ELP4: variants seen among roughly 807,000 people sequenced by gnomAD.
The protein encoded by ELP4 is elongator acetyltransferase complex subunit 4.
In ELP4, 51 loss-of-function variants were observed where a neutral mutation model predicts 48.9. That is an observed-to-expected ratio of 1.04 (90% CI 0.83 to 1.32). ELP4 has a LOEUF of 1.32. ELP4 is among the 40% of genes most tolerant of loss of function. The pLI is 0.00. For synonymous variants in ELP4, 210 were observed against 189.2 expected (o/e 1.11, Z -0.90); for missense variants, 519 against 514.6 (o/e 1.01, Z -0.08).
intron 9 of ELP4, among the ~76,000 whole-genome samples, chr11:31,677,588 A>G (rs1202876186): frequency 3.9e-5 from 6 of 152,034 alleles, no homozygotes; most frequent in East Asian, 1.9e-4. Context: ...TTTCATGGTT[A>G]TAGTAGTTGA....
At chr11:31,746,145 C>G (rs1244351319) in intron 9 of ELP4, among the ~76,000 whole-genome samples, 6 of 152,208 alleles carry the variant, frequency 3.9e-5, no homozygotes, top group Non-Finnish European at 8.8e-5. Flanking sequence ...AAATGCTCAT[C>G]ATCACTGGCC....
intron 9 of ELP4, among the ~76,000 whole-genome samples, chr11:31,768,401 C>A (rs540843363): frequency 7.2e-5 from 11 of 152,272 alleles, no homozygotes; most frequent in Non-Finnish European, 1.3e-4. Context: ...TGATACTTTT[C>A]ATTCATTATG....
chr11:31,746,575 C>T (rs1947597105), intron 9 of ELP4, among the ~76,000 whole-genome samples: 1 of 152,124 alleles, frequency 6.6e-6, no homozygotes, highest in Non-Finnish European at 1.5e-5. Flanking sequence ...ATGATGAGTT[C>T]ATGTCCTTTG....
At chr11:31,639,449 T>G (rs951732898) in intron 7 of ELP4, among the ~76,000 whole-genome samples, 3 of 151,926 alleles carry the variant, frequency 2.0e-5, no homozygotes, top group African/African-American at 7.2e-5. Context: ...CTTATAATTC[T>G]TACAGCTCAA....
At chr11:31,718,714 A>C (rs1946892684) in intron 9 of ELP4, among the ~76,000 whole-genome samples, 1 of 152,184 alleles carries the variant, frequency 6.6e-6, no homozygotes, top group Non-Finnish European at 1.5e-5. Flanking sequence ...CACTTCTTAC[A>C]TGATGGTCAA....
chr11:31,739,442 T>G (rs1203366029), intron 9 of ELP4, among the ~76,000 whole-genome samples: 1 of 152,178 alleles, frequency 6.6e-6, no homozygotes, highest in African/African-American at 2.4e-5. Flanking sequence ...TTTCCCATGG[T>G]AGACACGCTA....
chr11:31,698,431 G>C (rs1472626662), intron 9 of ELP4, among the ~76,000 whole-genome samples: 1 of 151,012 alleles, frequency 6.6e-6, no homozygotes, highest in African/African-American at 2.4e-5. Context: ...ATTTTTTTTT[G>C]AGACAGGGTT....
chr11:31,694,060 T>C (rs541838457), intron 9 of ELP4, among the ~76,000 whole-genome samples: 36 of 152,216 alleles, frequency 2.4e-4, no homozygotes, highest in Admixed American at 1.3e-3. Flanking sequence ...TTCTGGATAC[T>C]AGCCCTTTGT....
chr11:31,681,958 C>T lies in ELP4; in HGVS notation c.1143+31737C>T, dbSNP rs190692383. 20 of 677,994 alleles carry T rather than the reference C, an allele frequency of 2.9e-5. No homozygotes were observed. In the East Asian group the frequency reaches 1.3e-3, roughly 46 times the overall value. 42.0% of individuals were successfully genotyped at this position (677,994 alleles called of 1,614,324 possible). A position where few individuals can be genotyped will look rare whatever the true frequency, so the allele number is the denominator to read the frequency against. On this transcript the variant is annotated intron_variant, in intron 9 of 9. Transcript: ENST00000640961. ...GTTCCACCATGTTGGCCAGGCTGGT[C>T]TCGAACTCCTGACCTCAGGTGATTC... is the stretch of plus-strand genomic sequence containing the variant.
At chr11:31,726,339 G>A (rs1947075308) in intron 9 of ELP4, among the ~76,000 whole-genome samples, 1 of 152,068 alleles carries the variant, frequency 6.6e-6, no homozygotes, top group East Asian at 1.9e-4. Flanking sequence ...AGAAGAGGGT[G>A]GAGGAAAGGA....
chr11:31,785,854 AT>A lies in ELP4; in HGVS notation c.*2338del, dbSNP rs1948578217. 4 of 195,668 alleles carry A rather than the reference AT, an allele frequency of 2.0e-5. No individual in the cohort carries two copies. Among genetic ancestry groups the A allele is most frequent in the Non-Finnish European group, 3.2e-5 (3 of 94,212 alleles). The allele number at this position is 195,668 out of a possible 1,614,324, so 12.1% of individuals were successfully genotyped here. A position where few individuals can be genotyped will look rare whatever the true frequency, so the allele number is the denominator to read the frequency against. Reference sequence around the variant, plus strand: ...TATGAAATATACACTCCATTAACAGATTTTTTTTAATTATCAGCTTGACTCA... The same window carrying A: ...TATGAAATATACACTCCATTAACAGATTTTTTTAATTATCAGCTTGACTCA... On this transcript the variant is annotated 3_prime_UTR_variant, in exon 10 of 10. Coordinates refer to ENST00000640961, the MANE Select transcript of ELP4 (RefSeq NM_019040.5).
Position 31,509,825 on chromosome 11 carries a change from C to T in ELP4, c.41C>T (p.Thr14Ile). Residue 14 changes from threonine (T) to isoleucine (I), a missense_variant, in exon 1 of 10, where the codon ACT (threonine) becomes ATT (isoleucine). By Grantham distance (89) the Thr-to-Ile change is moderately conservative. Transcript: ENST00000640961. ...ACCTGCGGTAGTGTTGCCGCGAGTA[C>T]TGGGTCTGCAGTGGCGACAGCCAGC... ...VATCGSVAAS[T>I]GSAVATASKS... 3 of 1,614,166 alleles carry T rather than the reference C, an allele frequency of 1.9e-6. No individual in the cohort carries two copies. Among genetic ancestry groups the T allele is most frequent in the Non-Finnish European group, 2.5e-6 (3 of 1,180,028 alleles).
intron 9 of ELP4, among the ~76,000 whole-genome samples, chr11:31,684,334 G>A (rs1445705082): frequency 6.6e-6 from 1 of 152,058 alleles, no homozygotes; most frequent in Non-Finnish European, 1.5e-5. Context: ...AGCCTCCCAA[G>A]TAGCTGAAAT....
chr11:31,572,536 C>T (rs1348492511), intron 3 of ELP4, among the ~76,000 whole-genome samples: 1 of 151,888 alleles, frequency 6.6e-6, no homozygotes, highest in African/African-American at 2.4e-5. Flanking sequence ...TTATTCTCTC[C>T]CCAACATTTC....
intron 3 of ELP4, among the ~76,000 whole-genome samples, chr11:31,546,767 G>C (rs891652583): frequency 2.0e-5 from 3 of 151,992 alleles, no homozygotes; most frequent in Admixed American, 6.5e-5. Flanking sequence ...TAAAAGAACA[G>C]AAATTATAAC....
At chr11:31,673,389 G>A (rs1945851293) in intron 9 of ELP4, among the ~76,000 whole-genome samples, 1 of 152,020 alleles carries the variant, frequency 6.6e-6, no homozygotes, top group African/African-American at 2.4e-5. Flanking sequence ...GCAGTACAGT[G>A]GTGTCATCAT....
intron 7 of ELP4, chr11:31,646,740 C>CA (rs1355251653): frequency 6.6e-6 from 1 of 151,190 alleles, no homozygotes; most frequent in Non-Finnish European, 1.5e-5. Flanking sequence ...CAAAATTTTA[C>CA]AAAAAACATT....
chr11:31,767,058 T>C (rs1178195314), intron 9 of ELP4, among the ~76,000 whole-genome samples: 4 of 152,220 alleles, frequency 2.6e-5, no homozygotes, highest in Admixed American at 6.5e-5. Context: ...TATATGTGGT[T>C]TTAATACTAA....
chr11:31,651,859 A>G (rs1406506375), intron 9 of ELP4: 2 of 151,730 alleles, frequency 1.3e-5, no homozygotes, highest in Non-Finnish European at 2.9e-5. Context: ...AGTAATGTGA[A>G]TCATGTTTAT....
Sources: allele counts gnomAD v4.1 joint callset (sites outside exome capture counted in the v4.1 genomes callset), GRCh38; gene constraint gnomAD v4.1.1; transcripts MANE v1.5; gene names NCBI Gene and HGNC (gene_info 2026-07-23, HGNC 2026-07-21).